Variants in CYP7B1 observed in about 807,000 individuals in gnomAD.
CYP7B1 encodes cytochrome P450 7B1.
Under a neutral mutation model 42.7 loss-of-function variants are expected in CYP7B1, and 29 were observed. The ratio of observed to expected loss-of-function variants is 0.68; its 90% confidence interval spans 0.51 to 0.93. The LOEUF is 0.93. Ranked by LOEUF, CYP7B1 falls within the 40% of genes least tolerant of loss-of-function variation. The pLI is 0.00. For synonymous variants in CYP7B1, 235 were observed against 218.2 expected, an observed-to-expected ratio of 1.08 and a Z score of -0.68; for missense variants, 655 against 600.5, an observed-to-expected ratio of 1.09 and a Z score of -0.95.
At position 64,628,309 on chromosome 8, in the gene CYP7B1, T is replaced by C. The variant is rs945599591; in HGVS notation, c.123-3770A>G. 3.9e-5 allele frequency among the ~76,000 whole-genome samples: 6 copies of C among 152,316 alleles called. No homozygotes were observed. In the East Asian group the frequency reaches 1.2e-3, roughly 29 times the overall value. On this transcript the variant is annotated intron_variant, in intron 1 of 5. Coordinates refer to ENST00000310193, the MANE Select transcript of CYP7B1 (RefSeq NM_004820.5). ...TTTCATACAAGTTGTAGGGCACATC[T>C]TAAAGTGTGTGCAAAATGTCATCTA... is the stretch of plus-strand genomic sequence containing the variant.
chr8:64,775,236 G>T (rs1019171759), intron 1 of CYP7B1, among the ~76,000 whole-genome samples: 6 of 152,052 alleles, frequency 3.9e-5, no homozygotes, highest in Admixed American at 1.3e-4. Flanking sequence ...ACTCACTCTA[G>T]GATTCAGCAT....
rs111551550 is a variant in CYP7B1, at chr8:64,617,612, T to C, written c.260-1331A>G. ...TTTCCTGTACAGAACAGGCATAAACTTTAGATGATCCTAAAAACGTTAACA... is the reference window on the plus strand; with the variant it reads ...TTTCCTGTACAGAACAGGCATAAACCTTAGATGATCCTAAAAACGTTAACA... On this transcript the variant is annotated intron_variant, in intron 2 of 5. Coordinates refer to ENST00000310193, the MANE Select transcript of CYP7B1 (RefSeq NM_004820.5). Among the ~76,000 whole-genome samples, 508 of 152,230 alleles carry C rather than the reference T, an allele frequency of 3.3e-3. 8 individuals carry two copies. Among genetic ancestry groups the C allele is most frequent in the African/African-American group, 0.012 (495 of 41,538 alleles).
chr8:64,749,633 C>T (rs1807698906), intron 1 of CYP7B1, among the ~76,000 whole-genome samples: 1 of 152,146 alleles, frequency 6.6e-6, no homozygotes, highest in South Asian at 2.1e-4. Flanking sequence ...CAGTTATGTT[C>T]ATGTGGCTAT....
chr8:64,675,208 T>C (rs762707079), intron 1 of CYP7B1, among the ~76,000 whole-genome samples: 1 of 152,136 alleles, frequency 6.6e-6, no homozygotes, highest in Non-Finnish European at 1.5e-5. Flanking sequence ...ACTTTGAATG[T>C]AATTCATTCC....
rs1805127716 is a variant in CYP7B1, at chr8:64,596,915, A to G, written c.1248T>C (p.Asp416=). The G allele has an allele frequency of 6.2e-7, 1 of 1,611,000 alleles. No homozygotes were observed. Among genetic ancestry groups the G allele is most frequent in the East Asian group, 2.2e-5 (1 of 44,840 alleles). Residue 416 remains aspartate (D), a synonymous_variant, in exon 6 of 6, where the codon GAT becomes GAC. Coordinates refer to ENST00000310193, the MANE Select transcript of CYP7B1 (RefSeq NM_004820.5). ...IFEAPEEFRY[D]RFIEDGKKKT... ...TCTTCTTACCATCTTCTATAAAACGATCATATCTAAACTCCTGTAAGGAAG... is the reference window on the plus strand; with the variant it reads ...TCTTCTTACCATCTTCTATAAAACGGTCATATCTAAACTCCTGTAAGGAAG...
At chr8:64,632,255 T>A (rs989798886) in intron 1 of CYP7B1, among the ~76,000 whole-genome samples, 1 of 152,058 alleles carries the variant, frequency 6.6e-6, no homozygotes, top group Non-Finnish European at 1.5e-5. Context: ...AAAAGGAAAT[T>A]CTGCAATATG....
At chr8:64,712,903 A>G (rs1164770984) in intron 1 of CYP7B1, among the ~76,000 whole-genome samples, 1 of 152,082 alleles carries the variant, frequency 6.6e-6, no homozygotes, top group Non-Finnish European at 1.5e-5. Context: ...ATATATACAC[A>G]TGGTAAAAGT....
intron 2 of CYP7B1, among the ~76,000 whole-genome samples, chr8:64,621,171 T>C (rs1316238728): frequency 1.3e-5 from 2 of 152,208 alleles, no homozygotes; most frequent in Non-Finnish European, 2.9e-5. Context: ...TGTACAGTAT[T>C]CCAGTGTTTC....
intron 1 of CYP7B1, among the ~76,000 whole-genome samples, chr8:64,644,072 A>C (rs1363251429): frequency 6.6e-6 from 1 of 152,140 alleles, no homozygotes; most frequent in African/African-American, 2.4e-5. Flanking sequence ...CAGGAGTTCA[A>C]GACCAGCCTG....
chr8:64,635,259 A>G (rs760995097), intron 1 of CYP7B1, among the ~76,000 whole-genome samples: 3 of 152,230 alleles, frequency 2.0e-5, no homozygotes, highest in Non-Finnish European at 4.4e-5. Flanking sequence ...TCATTACCCC[A>G]AGTAATCTCT....
intron 1 of CYP7B1, among the ~76,000 whole-genome samples, chr8:64,661,984 A>C (rs1303410026): frequency 2.0e-5 from 3 of 152,096 alleles, no homozygotes; most frequent in Admixed American, 6.6e-5. Context: ...TAAATATCTA[A>C]TATCTGTGCC....
At chr8:64,743,039 G>T (rs1807592858) in intron 1 of CYP7B1, among the ~76,000 whole-genome samples, 1 of 151,884 alleles carries the variant, frequency 6.6e-6, no homozygotes, top group South Asian at 2.1e-4. Context: ...TTCTTCCAAG[G>T]TACCTATGAT....
At chr8:64,668,392 A>G (rs980358618) in intron 1 of CYP7B1, among the ~76,000 whole-genome samples, 1 of 152,118 alleles carries the variant, frequency 6.6e-6, no homozygotes, top group Non-Finnish European at 1.5e-5. Context: ...ATGAAGGACC[A>G]CTATATGAGG....
intron 1 of CYP7B1, among the ~76,000 whole-genome samples, chr8:64,756,475 G>A (rs1356023595): frequency 2.0e-5 from 3 of 152,206 alleles, no homozygotes; most frequent in African/African-American, 7.2e-5. Context: ...GAATTTCTAG[G>A]TGCCAGGATA....
intron 1 of CYP7B1, among the ~76,000 whole-genome samples, chr8:64,635,107 G>A (rs1805751110): frequency 6.6e-6 from 1 of 152,100 alleles, no homozygotes; most frequent in Non-Finnish European, 1.5e-5. Context: ...AGCATCTCAC[G>A]GGTACAGTTA....
chr8:64,648,106 C>T (rs143396926), intron 1 of CYP7B1, among the ~76,000 whole-genome samples: 300 of 152,158 alleles, frequency 2.0e-3, no homozygotes, highest in African/African-American at 6.9e-3. Context: ...GAGGATCTTC[C>T]CTGAAAGAGC....
At chr8:64,694,372 C>A (rs1423233048) in intron 1 of CYP7B1, among the ~76,000 whole-genome samples, 1 of 152,186 alleles carries the variant, frequency 6.6e-6, no homozygotes, top group Non-Finnish European at 1.5e-5. Context: ...TACCTCCACT[C>A]TATGTTCAGT....
intron 1 of CYP7B1, among the ~76,000 whole-genome samples, chr8:64,688,604 T>C (rs934156434): frequency 2.6e-5 from 4 of 152,336 alleles, no homozygotes; most frequent in Middle Eastern, 3.4e-3. Context: ...ATTTGGGTTC[T>C]GGTTTTCTAG....
At chr8:64,632,042 A>C (rs1036812409) in intron 1 of CYP7B1, among the ~76,000 whole-genome samples, 7 of 152,154 alleles carry the variant, frequency 4.6e-5, no homozygotes, top group Non-Finnish European at 1.0e-4. Context: ...GAATTACCAT[A>C]TGATCTAGTA....
Sources: gnomAD v4.1 joint callset for allele counts (sites outside exome capture counted in the v4.1 genomes callset) on GRCh38, gnomAD v4.1.1 for gene constraint, MANE v1.5 for transcripts, NCBI Gene and HGNC (gene_info 2026-07-23, HGNC 2026-07-21) for gene names.